Variants in SAFB observed in about 807,000 individuals in gnomAD.
SAFB encodes the protein scaffold attachment factor B.
A neutral mutation model predicts 101.6 loss-of-function variants in SAFB; 15 were observed. That is an observed-to-expected ratio of 0.15 (90% CI 0.10 to 0.23). The LOEUF is 0.23. Among genes scored for constraint, SAFB ranks in the 10% least tolerant of loss-of-function variants. The pLI is 1.00. For synonymous variants in SAFB, 449 were observed against 407.5 expected (o/e 1.10, Z -1.23); for missense variants, 930 against 1,104.1 (o/e 0.84, Z 2.23).
intron 2 of SAFB, among the ~76,000 whole-genome samples, chr19:5,637,856 C>T (rs2053627198): frequency 6.6e-6 from 1 of 152,104 alleles, no homozygotes; most frequent in Non-Finnish European, 1.5e-5. Flanking sequence ...TATGCCTTGC[C>T]TTTGAGATGT....
rs756300361 is a variant in SAFB at position 5,623,341 on chromosome 19, C to A, written c.136C>A (p.Arg46=). 4 of 1,614,034 alleles carry A rather than the reference C, an allele frequency of 2.5e-6. No homozygotes were observed. The Admixed American group carries it at 6.7e-5, about 27-fold the overall frequency. The change falls in exon 1 of 21, where the codon CGG becomes AGG. Residue 46 remains arginine (R), a synonymous_variant. Coordinates refer to ENST00000588852, the MANE Select transcript of SAFB (RefSeq NM_001201338.2). Reference sequence around the variant, plus strand: ...CGATCTGCGGGCGGAGCTGAGGAAACGGAATGTGGACTCGAGCGGCAACAA... The same window carrying A: ...CGATCTGCGGGCGGAGCTGAGGAAAAGGAATGTGGACTCGAGCGGCAACAA... ...VIDLRAELRK[R]NVDSSGNKSV...
At chr19:5,666,765 G>C (rs1039793634) in intron 17 of SAFB, 1 of 508,320 alleles carries the variant, frequency 2.0e-6, no homozygotes, top group African/African-American at 1.9e-5. Flanking sequence ...TTTAGTGGGT[G>C]ACTCCTGGTG....
chr19:5,648,662 AGCAACT>A (rs1241421302), intron 6 of SAFB, among the ~76,000 whole-genome samples: 3 of 152,242 alleles, frequency 2.0e-5, no homozygotes, highest in Non-Finnish European at 2.9e-5. Context: ...CATTCAGTTA[AGCAACT>A]TGGACTTTGG....
chr19:5,628,466 A>G (rs1307499897), intron 2 of SAFB, among the ~76,000 whole-genome samples: 1 of 152,146 alleles, frequency 6.6e-6, no homozygotes, highest in African/African-American at 2.4e-5. Flanking sequence ...TTAATACCAT[A>G]TTTTTTATAA....
At position 5,641,656 on chromosome 19, in the gene SAFB, C is replaced by G; in HGVS notation, c.337C>G (p.Gln113Glu). 6.2e-7 allele frequency: 1 copy of G among 1,613,842 alleles called. No individual in the cohort carries two copies. Among genetic ancestry groups the G allele is most frequent in the Non-Finnish European group, 8.5e-7 (1 of 1,179,902 alleles). Reference protein sequence around the residue: ...NGLEENSGDGQEDVETSLENL... With the variant: ...NGLEENSGDGEEDVETSLENL... ...GCTGGAGGAAAACTCTGGGGATGGA[C>G]AGGTATGTGCAGCCTTGCGAGTGAG... The change falls in exon 3 of 21, where the codon CAG (glutamine) becomes GAG (glutamate). Residue 113 changes from glutamine (Q) to glutamate (E), a missense_variant and splice_region_variant. Physicochemically the swap from Gln to Glu is conservative, Grantham distance 29. Around this residue, in one of 7 missense-constraint regions of SAFB, gnomAD observed 119 missense variants for 171.4 expected, o/e 0.69. Transcript: ENST00000588852.
intron 5 of SAFB, among the ~76,000 whole-genome samples, chr19:5,646,193 G>A (rs563850287): frequency 2.0e-5 from 3 of 151,596 alleles, no homozygotes; most frequent in African/African-American, 4.8e-5. Context: ...TTTTTTTCCC[G>A]TCTTCTTTTT....
chr19:5,641,229 G>A (rs758822029), intron 2 of SAFB, among the ~76,000 whole-genome samples: 10 of 152,110 alleles, frequency 6.6e-5, no homozygotes, highest in Non-Finnish European at 1.0e-4. Flanking sequence ...AGTTTCTGTG[G>A]GAAAACATGT....
intron 2 of SAFB, among the ~76,000 whole-genome samples, chr19:5,640,536 G>A (rs972017691): frequency 3.3e-5 from 5 of 151,356 alleles, no homozygotes; most frequent in East Asian, 1.9e-4. Context: ...TTTTTAATTC[G>A]CTGTTGATGG....
intron 13 of SAFB, 86 bp downstream of exon 13, chr19:5,654,542 A>T: frequency 1.2e-6 from 1 of 851,990 alleles, no homozygotes; most frequent in Non-Finnish European, 2.0e-6. Context: ...ACTAAGCTTC[A>T]TTTGAAAAAA....
rs186071405 is a variant in SAFB, at chr19:5,643,656, A to G, written c.547-1681A>G. ...CATACATTCTGCAACAAAAGCTGGA[A>G]ACATCCTAAATGCCTGGAAGCAGTT... On this transcript the variant is annotated intron_variant, in intron 4 of 20. Transcript: ENST00000588852. Among the ~76,000 whole-genome samples, 12 of 152,282 alleles carry G rather than the reference A, an allele frequency of 7.9e-5. No individual in the cohort carries two copies. In the East Asian group the frequency reaches 2.1e-3, roughly 27 times the overall value.
At chr19:5,653,547 A>G in intron 11 of SAFB, 127 bp downstream of exon 11, 2 of 748,564 alleles carry the variant, frequency 2.7e-6, no homozygotes, top group Non-Finnish European at 2.2e-6. Context: ...GCTCACCTCA[A>G]CTCCACCTCC....
chr19:5,658,132 G>T (rs2054106335), intron 14 of SAFB, among the ~76,000 whole-genome samples: 1 of 151,928 alleles, frequency 6.6e-6, no homozygotes, highest in Non-Finnish European at 1.5e-5. Context: ...CAAGTAGCTG[G>T]GACTACAGGC....
chr19:5,657,334 T>G lies in SAFB; in HGVS notation c.1849T>G (p.Ser617Ala), dbSNP rs2054086358. 1 of 1,609,374 alleles carries G rather than the reference T, an allele frequency of 6.2e-7. No homozygotes were observed. Among genetic ancestry groups the G allele is most frequent in the African/African-American group, 1.3e-5 (1 of 74,810 alleles). Residue 617 changes from serine to alanine, a missense_variant, in exon 14 of 21, where the codon TCA (serine) becomes GCA (alanine). Coordinates refer to ENST00000588852, the MANE Select transcript of SAFB (RefSeq NM_001201338.2). ...CAAGGAGCCTCGGAAGTCAAGAGAC[T>G]CAGAGTCCCATAGGTGAGTAGGGAT... ...KVKEPRKSRD[S>A]ESHSRVRERS...
chr19:5,651,317 G>A (rs554914693), intron 9 of SAFB, among the ~76,000 whole-genome samples: 2 of 152,230 alleles, frequency 1.3e-5, no homozygotes, highest in African/African-American at 4.8e-5. Context: ...GTGATGGCTC[G>A]TGGATCCATT....
At position 5,654,207 on chromosome 19, in the gene SAFB, A is replaced by AGCC; in HGVS notation, c.1666+9_1666+10insCGC. Reference sequence around the variant, plus strand: ...TCTCGAGCCACAAAGTCAGGTGGGCAGCTCATGAGCCCAGGAGATTCTGTC... The same window carrying AGCC: ...TCTCGAGCCACAAAGTCAGGTGGGCAGCCGCTCATGAGCCCAGGAGATTCTGTC... On this transcript the variant is annotated splice_region_variant and intron_variant, in intron 12 of 20. Coordinates refer to ENST00000588852, the MANE Select transcript of SAFB (RefSeq NM_001201338.2). The AGCC allele has an allele frequency of 6.2e-7, 1 of 1,614,144 alleles. No homozygotes were observed. The highest frequency in any genetic ancestry group is 8.5e-7 in the Non-Finnish European group (1 of 1,180,000).
rs1319554363 is a variant in SAFB, at chr19:5,623,237, C to G, written c.32C>G (p.Ser11Cys). MAETLSGLGD[S>C]GAAGAAALSS... is the part of the protein sequence containing the mutation. ...GAGACTCTGTCAGGCCTAGGTGATT[C>G]TGGAGCGGCGGGCGCGGCGGCTCTG... Residue 11 changes from serine to cysteine, a missense_variant, in exon 1 of 21, where the codon TCT (serine) becomes TGT (cysteine). Physicochemically the swap from Ser to Cys is moderately radical, Grantham distance 112. Transcript: ENST00000588852. The G allele has an allele frequency of 6.2e-7, 1 of 1,606,564 alleles. No individual in the cohort carries two copies. The highest frequency in any genetic ancestry group is 8.5e-7 in the Non-Finnish European group (1 of 1,176,742).
Position 5,667,833 on chromosome 19 carries a change from C to T in SAFB, c.2571C>T (p.Ser857=), listed in dbSNP as rs773258079. 4 of 1,613,958 alleles carry T rather than the reference C, an allele frequency of 2.5e-6. No individual in the cohort carries two copies. Among genetic ancestry groups the T allele is most frequent in the South Asian group, 2.2e-5 (2 of 91,064 alleles). ...TCTGTCTTCCAGGTGGCGAGAGAAG[C>T]ATGTCCGGTCACTCCGGGCCTGGCC... The part of the protein sequence containing the change: ...DHKRWQGGER[S]MSGHSGPGHM... Residue 857 remains serine, a synonymous_variant, in exon 20 of 21, where the codon AGC becomes AGT. Coordinates refer to ENST00000588852, the MANE Select transcript of SAFB (RefSeq NM_001201338.2). The surrounding 1 kb of genome is among the most constrained non-coding windows in gnomAD (Gnocchi z 4.0).
At chr19:5,634,541 AAG>A (rs1326680367) in intron 2 of SAFB, among the ~76,000 whole-genome samples, 1 of 152,060 alleles carries the variant, frequency 6.6e-6, no homozygotes, top group Non-Finnish European at 1.5e-5. Flanking sequence ...ACAACAAAGA[AAG>A]AGAAATTTGG....
At chr19:5,637,456 G>A (rs965132317) in intron 2 of SAFB, among the ~76,000 whole-genome samples, 3 of 151,544 alleles carry the variant, frequency 2.0e-5, no homozygotes, top group Admixed American at 2.0e-4. Context: ...AGGAGTTCAA[G>A]ACCAGCCTGG....
Sources: gnomAD v4.1 joint callset for allele counts (sites outside exome capture counted in the v4.1 genomes callset) on GRCh38, gnomAD v4.1.1 for gene constraint, gnomAD v4.1.1 regional missense constraint, Gnocchi (gnomAD v3.1) non-coding constraint, MANE v1.5 for transcripts, NCBI Gene and HGNC (gene_info 2026-07-23, HGNC 2026-07-21) for gene names.